Variants in TAFA2 observed in about 807,000 individuals in gnomAD.
The protein encoded by TAFA2 is chemokine-like protein TAFA-2.
TAFA2 carries 7 observed loss-of-function variants against 18.8 expected under a neutral mutation model. The observed-to-expected ratio is 0.37, with a 90% CI of 0.21 to 0.70. The LOEUF is 0.70. Ranked by LOEUF, TAFA2 falls within the 30% of genes least tolerant of loss-of-function variation. The pLI is 0.53. For missense variants in TAFA2, 122 were observed against 158.1 expected (o/e 0.77, Z 1.23); for synonymous variants, 60 against 54.2 (o/e 1.11, Z -0.47).
intron 1 of TAFA2, among the ~76,000 whole-genome samples, chr12:62,003,028 C>T (rs1387301747): frequency 6.6e-6 from 1 of 152,122 alleles, no homozygotes; most frequent in African/African-American, 2.4e-5. Context: ...ATTGGAATTA[C>T]TCCCTTGCAT....
At chr12:61,932,406 G>C (rs1877594660) in intron 1 of TAFA2, among the ~76,000 whole-genome samples, 3 of 152,170 alleles carry the variant, frequency 2.0e-5, no homozygotes, top group Admixed American at 2.0e-4. Context: ...AAAGTGAAAA[G>C]TGGAAGGTGA....
Position 61,754,760 on chromosome 12 carries a change from T to C in TAFA2, c.259+112A>G, listed in dbSNP as rs144536168. On this transcript the variant is annotated intron_variant, in intron 3 of 4. Coordinates refer to ENST00000416284, the MANE Select transcript of TAFA2 (RefSeq NM_178539.5). ...ATTCTAGTTTCAACTTATCATGGTA[T>C]TTGTAGTATGTTCACCCAGGATTGA... 2.9e-4 allele frequency: 301 copies of C among 1,035,546 alleles called. 1 individual carries two copies. The highest frequency in any genetic ancestry group is 4.0e-4 in the Non-Finnish European group (291 of 735,208). The allele number at this position is 1,035,546 out of a possible 1,614,324, so 64.1% of individuals were successfully genotyped here.
At chr12:61,969,879 G>T (rs904280886) in intron 1 of TAFA2, among the ~76,000 whole-genome samples, 3 of 151,566 alleles carry the variant, frequency 2.0e-5, no homozygotes, top group African/African-American at 7.3e-5. Flanking sequence ...ATACAAAAAA[G>T]AAAGTTGCAA....
chr12:61,837,191 T>C (rs1872969747), intron 2 of TAFA2, among the ~76,000 whole-genome samples: 1 of 151,984 alleles, frequency 6.6e-6, no homozygotes, highest in Admixed American at 6.6e-5. Flanking sequence ...GATTGCAATG[T>C]ATTGATGGCA....
intron 1 of TAFA2, among the ~76,000 whole-genome samples, chr12:62,172,347 A>G (rs2062484175): frequency 6.6e-6 from 1 of 152,174 alleles, no homozygotes; most frequent in South Asian, 2.1e-4. Flanking sequence ...GACTAAAGCA[A>G]ACAAATAAGC....
intron 1 of TAFA2, chr12:62,258,415 C>T (rs1174340182): frequency 6.6e-6 from 1 of 152,350 alleles, no homozygotes; most frequent in African/African-American, 2.4e-5. Context: ...TTCAAAAATG[C>T]ATTTTCTCTT....
chr12:62,236,877 C>T (rs928451323), intron 1 of TAFA2, among the ~76,000 whole-genome samples: 4 of 152,034 alleles, frequency 2.6e-5, no homozygotes, highest in Admixed American at 1.3e-4. Context: ...CTTTTAGAAT[C>T]CCATCTTTGT....
At chr12:61,881,966 T>C (rs1399356050) in intron 1 of TAFA2, among the ~76,000 whole-genome samples, 1 of 151,998 alleles carries the variant, frequency 6.6e-6, no homozygotes, top group Admixed American at 6.6e-5. Flanking sequence ...AAAAAAATCT[T>C]GGTTATCTTC....
chr12:61,711,711 T>C (rs1308055881), intron 4 of TAFA2, among the ~76,000 whole-genome samples: 3 of 151,962 alleles, frequency 2.0e-5, no homozygotes, highest in African/African-American at 7.2e-5. Flanking sequence ...GACAGTCATC[T>C]CATTTCTGTC....
chr12:62,175,006 T>C (rs2062502683), intron 1 of TAFA2, among the ~76,000 whole-genome samples: 1 of 152,188 alleles, frequency 6.6e-6, no homozygotes, highest in South Asian at 2.1e-4. Flanking sequence ...TGAAACCTAT[T>C]AGATGCTCCA....
chr12:61,833,618 A>G (rs897423184), intron 2 of TAFA2, among the ~76,000 whole-genome samples: 3 of 152,028 alleles, frequency 2.0e-5, no homozygotes, highest in African/African-American at 7.2e-5. Context: ...TGTAACTTCT[A>G]TCATGGTTCT....
chr12:61,967,794 A>G (rs1230234407), intron 1 of TAFA2, among the ~76,000 whole-genome samples: 1 of 151,890 alleles, frequency 6.6e-6, no homozygotes, highest in Non-Finnish European at 1.5e-5. Context: ...CTGTTTTTGC[A>G]TAAAATGAAT....
intron 4 of TAFA2, among the ~76,000 whole-genome samples, chr12:61,715,358 A>AT (rs1216515113): frequency 2.0e-5 from 3 of 151,106 alleles, no homozygotes; most frequent in South Asian, 2.1e-4. Flanking sequence ...ATTTTATTTT[A>AT]TTTTTTTTGA....
At chr12:62,017,373 G>A (rs1192576921) in intron 1 of TAFA2, among the ~76,000 whole-genome samples, 1 of 152,020 alleles carries the variant, frequency 6.6e-6, no homozygotes, top group African/African-American at 2.4e-5. Context: ...GTTATAAATA[G>A]TCTGAACTAT....
intron 4 of TAFA2, among the ~76,000 whole-genome samples, chr12:61,713,808 A>G (rs1869523421): frequency 1.3e-5 from 2 of 152,014 alleles, no homozygotes; most frequent in Non-Finnish European, 2.9e-5. Flanking sequence ...GCTGGGGGGG[A>G]AACATATTTT....
At chr12:62,014,986 T>C (rs550133362) in intron 1 of TAFA2, among the ~76,000 whole-genome samples, 2 of 152,338 alleles carry the variant, frequency 1.3e-5, no homozygotes, top group Admixed American at 6.5e-5. Flanking sequence ...TCTTCTATAA[T>C]TAAACCAAAA....
intron 1 of TAFA2, among the ~76,000 whole-genome samples, chr12:62,042,699 A>G (rs1881796983): frequency 6.6e-6 from 1 of 152,058 alleles, no homozygotes; most frequent in South Asian, 2.1e-4. Flanking sequence ...TTCTGTTACT[A>G]TACATCTTTA....
intron 1 of TAFA2, among the ~76,000 whole-genome samples, chr12:62,000,302 T>A (rs1024848064): frequency 1.4e-5 from 2 of 146,028 alleles, no homozygotes; most frequent in African/African-American, 4.9e-5. Flanking sequence ...CCACATCATA[T>A]GTTTTTCTTA....
rs78730684 is a variant in TAFA2 at position 61,888,893 on chromosome 12, T to A, written c.-1-21467A>T. 8.1e-3 allele frequency among the ~76,000 whole-genome samples: 1,230 copies of A among 152,328 alleles called. 11 individuals carry two copies. The highest frequency in any genetic ancestry group is 0.014 in the Non-Finnish European group (943 of 68,028). On this transcript the variant is annotated intron_variant, in intron 1 of 4. Transcript: ENST00000416284. ...TTTCATGGTAAATTTCAGAGCCTAT[T>A]TCTTATTCCAAAAGGTGGACTCAGT...
Sources: allele counts gnomAD v4.1 joint callset (sites outside exome capture counted in the v4.1 genomes callset), GRCh38; gene constraint gnomAD v4.1.1; transcripts MANE v1.5; gene names NCBI Gene and HGNC (gene_info 2026-07-23, HGNC 2026-07-21).